Variants in CNGB1 observed in about 807,000 individuals in gnomAD.
CNGB1 encodes the protein cyclic nucleotide-gated channel beta-1.
A neutral mutation model predicts 151.7 loss-of-function variants in CNGB1; 126 were observed. The observed-to-expected ratio is 0.83, with a 90% confidence interval of 0.72 to 0.96. CNGB1 has a LOEUF of 0.96. CNGB1 is among the 40% of genes least tolerant of loss of function. The pLI is 0.00. For missense variants in CNGB1, 1,698 were observed against 1,627.0 expected (o/e 1.04, Z -0.75); for synonymous variants, 623 against 635.1 (o/e 0.98, Z 0.29).
At chr16:57,919,078 C>T in intron 20 of CNGB1, 21 bp downstream of exon 20, 2 of 1,614,164 alleles carry the variant, frequency 1.2e-6, no homozygotes, top group Non-Finnish European at 1.7e-6. Context: ...ACAGTGGGAA[C>T]ACCCATTCCC....
At chr16:57,888,449 CTCTCTG>C (rs1355318429) in intron 31 of CNGB1, among the ~76,000 whole-genome samples, 31 of 149,724 alleles carry the variant, frequency 2.1e-4, no homozygotes, top group Non-Finnish European at 3.5e-4. Context: ...CTTCCTCTCT[CTCTCTG>C]TCTCTGTCTC....
At chr16:57,926,634 C>T (rs1449079283) in intron 17 of CNGB1, among the ~76,000 whole-genome samples, 1 of 152,216 alleles carries the variant, frequency 6.6e-6, no homozygotes, top group Non-Finnish European at 1.5e-5. Context: ...ATTGCTGGGA[C>T]CCAAAGTCCA....
At chr16:57,968,483 T>C (rs1283412840) in intron 1 of CNGB1, among the ~76,000 whole-genome samples, 1 of 151,580 alleles carries the variant, frequency 6.6e-6, no homozygotes, top group Non-Finnish European at 1.5e-5. Flanking sequence ...GGTGACAGAG[T>C]GAGATCCTGT....
chr16:57,894,680 T>A (rs948389729), intron 31 of CNGB1, among the ~76,000 whole-genome samples: 1 of 152,192 alleles, frequency 6.6e-6, no homozygotes, highest in African/African-American at 2.4e-5. Flanking sequence ...CAGAAATTGA[T>A]GCAACGAGCC....
At chr16:57,938,761 G>A (rs1040202242) in intron 16 of CNGB1, among the ~76,000 whole-genome samples, 1 of 152,172 alleles carries the variant, frequency 6.6e-6, no homozygotes, top group African/African-American at 2.4e-5. Flanking sequence ...TGTAAGGCAC[G>A]CAACACCTGC....
intron 14 of CNGB1, among the ~76,000 whole-genome samples, chr16:57,948,833 G>A (rs375799751): frequency 1.2e-3 from 176 of 152,222 alleles, no homozygotes; most frequent in African/African-American, 4.1e-3. Flanking sequence ...TCTTCTGTGT[G>A]TTTAACATTG....
intron 12 of CNGB1, among the ~76,000 whole-genome samples, chr16:57,955,795 C>T (rs1248292625): frequency 6.6e-6 from 1 of 152,146 alleles, no homozygotes; most frequent in Non-Finnish European, 1.5e-5. Flanking sequence ...TGCCAAGGAC[C>T]GCAAGTGGCC....
intron 18 of CNGB1, 37 bp downstream of exon 18, chr16:57,923,236 A>AG: frequency 9.5e-7 from 1 of 1,048,526 alleles, no homozygotes. Context: ...CCCTCCCCGC[A>AG]GTCTTTCAAT....
chr16:57,884,593 G>T, intron 32 of CNGB1, 136 bp from the exon 33 acceptor site: 3 of 907,228 alleles, frequency 3.3e-6, no homozygotes, highest in African/African-American at 1.6e-5. Flanking sequence ...AAATCTAGTG[G>T]GTGGGGTGGA....
chr16:57,904,091 T>G, intron 26 of CNGB1, 110 bp from the exon 27 acceptor site: 1 of 951,978 alleles, frequency 1.1e-6, no homozygotes, highest in Non-Finnish European at 1.7e-6. Context: ...CATGTGCTCC[T>G]GGCAGGGCGT....
intron 24 of CNGB1, among the ~76,000 whole-genome samples, chr16:57,912,256 ACATCTGTGAAACAGC>A (rs1960738073): frequency 6.6e-6 from 1 of 152,154 alleles, no homozygotes; most frequent in Admixed American, 6.5e-5. Flanking sequence ...TCATGCTCAG[ACATCTGTGAAACAGC>A]CACCGCCACC....
intron 7 of CNGB1, among the ~76,000 whole-genome samples, chr16:57,962,346 C>T (rs1431520784): frequency 6.6e-6 from 1 of 152,182 alleles, no homozygotes. Context: ...AGGGACCTCT[C>T]AGTCATCCCT....
At chr16:57,913,054 C>G in intron 23 of CNGB1, 60 bp from the exon 24 acceptor site, 1 of 1,534,348 alleles carries the variant, frequency 6.5e-7, no homozygotes, top group Non-Finnish European at 9.0e-7. Flanking sequence ...GCTGCTCCCA[C>G]GCCCACGGGC....
In CNGB1 at chr16:57,960,511, G is replaced by T. The variant is rs1962219248; in HGVS notation, c.554C>A (p.Ala185Glu). The change falls in exon 9 of 33, where the codon GCA becomes GAA. Residue 185 changes from alanine (A) to glutamate (E), a missense_variant. Transcript: ENST00000251102. ...KSSEVWRDEP[A>E]VATGAASDPA... The stretch of plus-strand genomic sequence containing the variant: ...GTCTGAGGCAGCACCTGTAGCAACT[G>T]CAGGCTCATCTCTCCAGACCTGGGT... The T allele has an allele frequency of 6.2e-7, 1 of 1,613,682 alleles. No individual in the cohort carries two copies. Among genetic ancestry groups the T allele is most frequent in the Admixed American group, 1.7e-5 (1 of 59,954 alleles).
At chr16:57,904,072 G>T in intron 26 of CNGB1, 91 bp from the exon 27 acceptor site, 2 of 1,223,412 alleles carry the variant, frequency 1.6e-6, no homozygotes, top group Non-Finnish European at 2.4e-6. Context: ...ACTTCACACA[G>T]ACCACGGGCA....
intron 12 of CNGB1, among the ~76,000 whole-genome samples, chr16:57,956,242 T>C (rs1310924312): frequency 2.0e-5 from 3 of 152,066 alleles, no homozygotes; most frequent in African/African-American, 7.2e-5. Context: ...CCTGGGCAGG[T>C]GCTTTTGGTT....
chr16:57,970,941 T>C (rs978484317), intron 1 of CNGB1, 119 bp downstream of exon 1: 17 of 152,094 alleles, frequency 1.1e-4, no homozygotes, highest in African/African-American at 4.1e-4. Flanking sequence ...CTCCACCAGA[T>C]AGAGGGAAGC....
chr16:57,898,574 C>G (rs1567366329), intron 29 of CNGB1, among the ~76,000 whole-genome samples: 1 of 151,890 alleles, frequency 6.6e-6, no homozygotes, highest in South Asian at 2.1e-4. Context: ...TGCCACCATG[C>G]CCGGCAAATT....
intron 17 of CNGB1, among the ~76,000 whole-genome samples, chr16:57,925,597 G>A (rs916808170): frequency 1.7e-4 from 26 of 152,188 alleles, no homozygotes; most frequent in African/African-American, 6.3e-4. Context: ...GCCTTGCTTC[G>A]GTCTTTAGCT....
Sources: allele counts gnomAD v4.1 joint callset (sites outside exome capture counted in the v4.1 genomes callset), GRCh38; gene constraint gnomAD v4.1.1; transcripts MANE v1.5; gene names NCBI Gene and HGNC (gene_info 2026-07-23, HGNC 2026-07-21).